SLC23A3: variants seen among roughly 807,000 people sequenced by gnomAD.
SLC23A3 encodes E2-binding protein 3.
A neutral mutation model predicts 64.7 loss-of-function variants in SLC23A3; 41 were observed. That is an observed-to-expected ratio of 0.63 (90% CI 0.49 to 0.82). SLC23A3 has a LOEUF of 0.82. SLC23A3 is among the 40% of genes least tolerant of loss of function. SLC23A3 has a pLI of 0.00. For synonymous variants in SLC23A3, 281 were observed against 306.8 expected, an observed-to-expected ratio of 0.92 and a Z score of 0.88; for missense variants, 647 against 733.4, an observed-to-expected ratio of 0.88 and a Z score of 1.36.
chr2:219,162,525 C>T, intron 10 of SLC23A3, 131 bp from the exon 11 acceptor site: 1 of 683,606 alleles, frequency 1.5e-6, no homozygotes, highest in South Asian at 1.8e-5. Context: ...TTTCATCCCT[C>T]TCACCCTTTG....
intron 7 of SLC23A3, 88 bp downstream of exon 7, chr2:219,167,842 A>T: frequency 1.9e-6 from 2 of 1,039,530 alleles, no homozygotes; most frequent in Non-Finnish European, 1.5e-6. Context: ...CACAGGATTT[A>T]ACTCAGAAAT....
At chr2:219,168,992 G>C in intron 4 of SLC23A3, 37 bp downstream of exon 4, 1 of 1,597,552 alleles carries the variant, frequency 6.3e-7, no homozygotes. Context: ...CCCAAGCCTG[G>C]CACCACCCTT....
chr2:219,164,471 C>CT, intron 8 of SLC23A3, 133 bp from the exon 9 acceptor site: 4 of 644,644 alleles, frequency 6.2e-6, no homozygotes, highest in Non-Finnish European at 1.1e-5. Flanking sequence ...CCTGGCCAGT[C>CT]TATCTAAACG....
chr2:219,165,000 T>C (rs1949990420), intron 8 of SLC23A3, 169 bp downstream of exon 8: 3 of 835,020 alleles, frequency 3.6e-6, no homozygotes, highest in African/African-American at 1.7e-5. Context: ...CGTGGTGATT[T>C]GTTCACTTCC....
chr2:219,169,114 T>C lies in SLC23A3; in HGVS notation c.419-12A>G, dbSNP rs752413395. The C allele has an allele frequency of 4.3e-6, 7 of 1,613,658 alleles. No individual in the cohort carries two copies. Among genetic ancestry groups the C allele is most frequent in the African/African-American group, 1.3e-5 (1 of 74,856 alleles). On this transcript the variant is annotated splice_polypyrimidine_tract_variant and intron_variant, in intron 3 of 11. Transcript: ENST00000409878. The surrounding 1 kb of genome is among the most constrained non-coding windows in gnomAD (Gnocchi z 4.5). Reference sequence around the variant, plus strand: ...CAGCATGAGGGAGGCTAGGAAAAGTTTGGGGCATGGAGAAGAGAAGGGTGA... The same window carrying C: ...CAGCATGAGGGAGGCTAGGAAAAGTCTGGGGCATGGAGAAGAGAAGGGTGA...
chr2:219,166,495 CTATTT>C (rs542144913), intron 7 of SLC23A3, among the ~76,000 whole-genome samples: 4 of 151,764 alleles, frequency 2.6e-5, no homozygotes, highest in Admixed American at 1.3e-4. Flanking sequence ...TGGTGCCTGG[CTATTT>C]TATTTTATTT....
chr2:219,162,298 C>G lies in SLC23A3; in HGVS notation c.1537+1G>C. ...TCTGCTAGGGCCTAGCCTCAACTTA[C>G]CAGGAATCGTGTTCTCTAGTAGGAA... On this transcript the variant is annotated splice_donor_variant, in intron 11 of 11. Coordinates refer to ENST00000409878, the MANE Select transcript of SLC23A3 (RefSeq NM_001144889.2). LOFTEE classifies it high-confidence loss of function. 6.2e-7 allele frequency: 1 copy of G among 1,614,094 alleles called. No individual in the cohort carries two copies. Among genetic ancestry groups the G allele is most frequent in the Non-Finnish European group, 8.5e-7 (1 of 1,179,982 alleles).
In SLC23A3 at chr2:219,162,014, A is replaced by G; in HGVS notation, c.1728T>C (p.Asp576=). 1 of 1,614,078 alleles carries G rather than the reference A, an allele frequency of 6.2e-7. No homozygotes were observed. The highest frequency in any genetic ancestry group is 8.5e-7 in the Non-Finnish European group (1 of 1,180,002). ...CLCPLPEDPG[D]EEGGSSEPEE... The stretch of plus-strand genomic sequence containing the variant: ...CTGGCTCAGAGGAGCCTCCTTCCTC[A>G]TCCCCAGGGTCTTCAGGCAGTGGGC... Residue 576 remains aspartate (D), a synonymous_variant, in exon 12 of 12, where the codon GAT becomes GAC. Transcript: ENST00000409878.
chr2:219,168,708 G>A lies in SLC23A3; in HGVS notation c.618C>T (p.Leu206=). 1.9e-6 allele frequency: 3 copies of A among 1,613,874 alleles called. No homozygotes were observed. The highest frequency in any genetic ancestry group is 2.5e-6 in the Non-Finnish European group (3 of 1,179,918). ...VLAPSLVVAG[L]SAHREVAQFC... ...ACTGGGCTACCTCCCTGTGGGCAGAGAGCCCTGCCACAACCAGGCTGGGAG... is the reference window on the plus strand; with the variant it reads ...ACTGGGCTACCTCCCTGTGGGCAGAAAGCCCTGCCACAACCAGGCTGGGAG... Residue 206 remains leucine (L), a synonymous_variant, in exon 5 of 12, where the codon CTC becomes CTT. Coordinates refer to ENST00000409878, the MANE Select transcript of SLC23A3 (RefSeq NM_001144889.2).
chr2:219,170,019 G>C lies in SLC23A3; in HGVS notation c.-35C>G, dbSNP rs1163579201. ...CCTTTCGCTTTGTCTTGGCTGCCCG[G>C]GACCAGAGTTAAGTAGAGAGAGTAA... On this transcript the variant is annotated 5_prime_UTR_variant, in exon 1 of 12. Coordinates refer to ENST00000409878, the MANE Select transcript of SLC23A3 (RefSeq NM_001144889.2). 4 of 1,608,696 alleles carry C rather than the reference G, an allele frequency of 2.5e-6. No homozygotes were observed. Among genetic ancestry groups the C allele is most frequent in the Non-Finnish European group, 2.5e-6 (3 of 1,178,116 alleles).
At chr2:219,168,886 G>A in intron 4 of SLC23A3, 53 bp from the exon 5 acceptor site, 1 of 1,559,998 alleles carries the variant, frequency 6.4e-7, no homozygotes, top group Non-Finnish European at 8.7e-7. Context: ...AATCAAACTG[G>A]CCTCAGCCTG....
At chr2:219,166,684 G>A (rs762748974) in intron 7 of SLC23A3, among the ~76,000 whole-genome samples, 39 of 152,140 alleles carry the variant, frequency 2.6e-4, no homozygotes, top group Non-Finnish European at 4.6e-4. Context: ...ACAAGCATGT[G>A]CCACTAGGCC....
intron 7 of SLC23A3, among the ~76,000 whole-genome samples, chr2:219,166,500 T>C (rs1950006592): frequency 6.7e-6 from 1 of 149,144 alleles, no homozygotes; most frequent in African/African-American, 2.4e-5. Flanking sequence ...CCTGGCTATT[T>C]TATTTTATTT....
chr2:219,163,146 C>T (rs184445522), intron 10 of SLC23A3, among the ~76,000 whole-genome samples: 1 of 152,252 alleles, frequency 6.6e-6, no homozygotes, highest in East Asian at 1.9e-4. Context: ...AGCACTGTAG[C>T]TCTTTATCTG....
At chr2:219,163,634 A>AG in intron 9 of SLC23A3, 79 bp from the exon 10 acceptor site, 1 of 1,280,788 alleles carries the variant, frequency 7.8e-7, no homozygotes, top group Admixed American at 2.1e-5. Context: ...CAGGGCAAGC[A>AG]GGTTGTAATG....
Position 219,168,646 on chromosome 2 carries a change from A to C in SLC23A3, c.674+6T>G, listed in dbSNP as rs767330985. The C allele has an allele frequency of 1.3e-5, 21 of 1,613,074 alleles. No individual in the cohort carries two copies. Among genetic ancestry groups the C allele is most frequent in the Non-Finnish European group, 1.5e-5 (18 of 1,179,620 alleles). Reference sequence around the variant, plus strand: ...CACCATCCCACGCCTCTCAGGACTCACGTACAGCAAGGCCAACCCCCAGTG... The same window carrying C: ...CACCATCCCACGCCTCTCAGGACTCCCGTACAGCAAGGCCAACCCCCAGTG... On this transcript the variant is annotated splice_donor_region_variant and intron_variant, in intron 5 of 11. Coordinates refer to ENST00000409878, the MANE Select transcript of SLC23A3 (RefSeq NM_001144889.2).
At chr2:219,168,117 G>A (rs1057029449) in intron 6 of SLC23A3, 73 bp from the exon 7 acceptor site, 9 of 1,578,836 alleles carry the variant, frequency 5.7e-6, no homozygotes, top group Non-Finnish European at 6.9e-6. Context: ...GTAGACAGAA[G>A]CCAAAAGGTA....
At chr2:219,168,859 G>C (rs374407063) in intron 4 of SLC23A3, 26 bp from the exon 5 acceptor site, 48 of 1,569,312 alleles carry the variant, frequency 3.1e-5, no homozygotes, top group Admixed American at 1.1e-4. Flanking sequence ...AGAGGATGGA[G>C]AGAAAACATT....
At chr2:219,163,995 C>T (rs1428636010) in intron 9 of SLC23A3, among the ~76,000 whole-genome samples, 1 of 152,220 alleles carries the variant, frequency 6.6e-6, no homozygotes, top group African/African-American at 2.4e-5. Flanking sequence ...GGCCACCACG[C>T]CCAGCCTGAG....
Sources: allele counts gnomAD v4.1 joint callset (sites outside exome capture counted in the v4.1 genomes callset), GRCh38; gene constraint gnomAD v4.1.1; non-coding constraint Gnocchi (gnomAD v3.1); transcripts MANE v1.5; gene names NCBI Gene and HGNC (gene_info 2026-07-23, HGNC 2026-07-21).